EPHA5: variants seen among roughly 807,000 people sequenced by gnomAD.
EPHA5 encodes ephrin type-A receptor 5.
Under a neutral mutation model 105.0 loss-of-function variants are expected in EPHA5, and 60 were observed. The observed-to-expected ratio is 0.57, with a 90% CI of 0.46 to 0.71. EPHA5 has a LOEUF of 0.71. EPHA5 is among the 30% of genes least tolerant of loss of function. The pLI, the probability that EPHA5 is intolerant of heterozygous loss-of-function variation, is 0.00. For missense variants in EPHA5, 1,218 were observed against 1,274.7 expected, an observed-to-expected ratio of 0.96 and a Z score of 0.68; for synonymous variants, 513 against 449.1, an observed-to-expected ratio of 1.14 and a Z score of -1.80.
chr4:65,353,053 T>C lies in EPHA5; in HGVS notation c.2224A>G (p.Thr742Ala). The change falls in exon 12 of 17, where the codon ACA becomes GCA. Residue 742 changes from threonine (T) to alanine (A), a missense_variant. By Grantham distance (58) the Thr-to-Ala change is moderately conservative. Coordinates refer to ENST00000613740, the MANE Select transcript of EPHA5 (RefSeq NM_001281766.3). ...TTCCCCAATCCTACCTTCAAAAATG[T>C]ATCTAAAGAGCCATTCTCCATATAC... Reference protein sequence around the residue: ...TEYMENGSLDTFLKKNDGQFT... With the variant: ...TEYMENGSLDAFLKKNDGQFT... 1 of 1,552,848 alleles carries C rather than the reference T, an allele frequency of 6.4e-7. No individual in the cohort carries two copies. Among genetic ancestry groups the C allele is most frequent in the South Asian group, 1.2e-5 (1 of 81,330 alleles).
chr4:65,476,359 C>A (rs1030869700), intron 5 of EPHA5, among the ~76,000 whole-genome samples: 1 of 148,862 alleles, frequency 6.7e-6, no homozygotes, highest in Admixed American at 6.8e-5. Flanking sequence ...TCAATGGATC[C>A]TTTGTCATGA....
At chr4:65,628,897 A>T (rs1746386199) in intron 2 of EPHA5, among the ~76,000 whole-genome samples, 1 of 152,162 alleles carries the variant, frequency 6.6e-6, no homozygotes, top group Non-Finnish European at 1.5e-5. Flanking sequence ...TTTTTCTAAC[A>T]GCCTTGGCAG....
At chr4:65,409,153 A>G (rs1250922478) in intron 7 of EPHA5, among the ~76,000 whole-genome samples, 2 of 121,768 alleles carry the variant, frequency 1.6e-5, no homozygotes, top group African/African-American at 3.1e-5. Flanking sequence ...GAACACATGG[A>G]CACAGGAAGG....
chr4:65,608,747 G>A (rs1744480267), intron 2 of EPHA5, among the ~76,000 whole-genome samples: 1 of 152,160 alleles, frequency 6.6e-6, no homozygotes, highest in Admixed American at 6.5e-5. Flanking sequence ...TGCAATGCAT[G>A]CATGACATAA....
intron 7 of EPHA5, among the ~76,000 whole-genome samples, chr4:65,408,667 G>C (rs905384930): frequency 6.6e-6 from 1 of 151,934 alleles, no homozygotes; most frequent in Non-Finnish European, 1.5e-5. Context: ...TTAGAATGGT[G>C]ATCATTAAAA....
At chr4:65,552,372 C>T (rs1260968843) in intron 3 of EPHA5, among the ~76,000 whole-genome samples, 2 of 152,174 alleles carry the variant, frequency 1.3e-5, no homozygotes, top group East Asian at 3.9e-4. Flanking sequence ...TAGTTACGGG[C>T]TTTAAATGCC....
chr4:65,478,378 T>C (rs551006845), intron 5 of EPHA5, among the ~76,000 whole-genome samples: 43 of 152,308 alleles, frequency 2.8e-4, no homozygotes, highest in Middle Eastern at 6.8e-3. Flanking sequence ...ACAAAATTTG[T>C]ACATTTTCAG....
At chr4:65,532,258 A>T (rs1039282681) in intron 3 of EPHA5, among the ~76,000 whole-genome samples, 11 of 152,120 alleles carry the variant, frequency 7.2e-5, no homozygotes, top group Admixed American at 3.3e-4. Flanking sequence ...ATGGAATTTA[A>T]TGTGACTTTT....
At chr4:65,589,757 G>T (rs1742457900) in intron 3 of EPHA5, among the ~76,000 whole-genome samples, 2 of 152,116 alleles carry the variant, frequency 1.3e-5, no homozygotes, top group Admixed American at 1.3e-4. Context: ...GGGAACAGGT[G>T]AATATTAAAA....
intron 13 of EPHA5, 59 bp downstream of exon 13, chr4:65,351,330 A>T: frequency 6.9e-7 from 1 of 1,459,370 alleles, no homozygotes; most frequent in Non-Finnish European, 9.4e-7. Context: ...TTCTTTCAGA[A>T]TCTTTAAAAA....
intron 14 of EPHA5, among the ~76,000 whole-genome samples, chr4:65,336,615 G>C (rs1721210754): frequency 6.6e-6 from 1 of 152,004 alleles, no homozygotes; most frequent in African/African-American, 2.4e-5. Flanking sequence ...TAAGTCAAAG[G>C]CTAAATTAGC....
intron 8 of EPHA5, among the ~76,000 whole-genome samples, chr4:65,387,038 C>A (rs539427735): frequency 6.6e-6 from 1 of 151,774 alleles, no homozygotes; most frequent in Admixed American, 6.6e-5. Flanking sequence ...CATCTAAGGA[C>A]GTGGCCATTA....
rs760738122 is a variant in EPHA5 at position 65,365,105 on chromosome 4, C to T, written c.2085G>A (p.Lys695=). The stretch of plus-strand genomic sequence containing the variant: ...CTTCACCTAGGAAATCTCTGCGTTG[C>T]TTTTCAGTATAGCCTACTTTAAGGG... ...IKTLKVGYTE[K]QRRDFLGEAS... is the part of the protein sequence containing the mutation. The change falls in exon 11 of 17, where the codon AAG becomes AAA. Residue 695 remains lysine, a synonymous_variant. Transcript: ENST00000613740. 1.3e-5 allele frequency: 21 copies of T among 1,611,784 alleles called. No homozygotes were observed. The East Asian group carries it at 1.8e-4, about 14-fold the overall frequency.
intron 8 of EPHA5, among the ~76,000 whole-genome samples, chr4:65,388,710 A>G (rs1468924445): frequency 6.8e-6 from 1 of 147,256 alleles, no homozygotes; most frequent in Non-Finnish European, 1.5e-5. Context: ...GATTCTGGAT[A>G]TTAGCCCTTT....
intron 3 of EPHA5, among the ~76,000 whole-genome samples, chr4:65,520,051 A>G (rs1313490600): frequency 6.6e-6 from 1 of 152,194 alleles, no homozygotes. Context: ...TGGAACCAAA[A>G]AAGAGCCTGC....
intron 5 of EPHA5, among the ~76,000 whole-genome samples, chr4:65,462,763 A>G (rs1422976924): frequency 6.6e-6 from 1 of 152,190 alleles, no homozygotes; most frequent in African/African-American, 2.4e-5. Flanking sequence ...ACACTCCATT[A>G]AACAAATAAA....
At chr4:65,653,771 A>C (rs1748817306) in intron 1 of EPHA5, among the ~76,000 whole-genome samples, 1 of 152,148 alleles carries the variant, frequency 6.6e-6, no homozygotes, top group African/African-American at 2.4e-5. Flanking sequence ...AATAATTAAA[A>C]TAAAAGTACT....
chr4:65,509,081 G>A (rs920017512), intron 3 of EPHA5, among the ~76,000 whole-genome samples: 1 of 151,936 alleles, frequency 6.6e-6, no homozygotes, highest in African/African-American at 2.4e-5. Flanking sequence ...AAGTTCATTT[G>A]GTAAAAGCAG....
chr4:65,397,746 A>G (rs1190858805), intron 8 of EPHA5, among the ~76,000 whole-genome samples: 1 of 152,130 alleles, frequency 6.6e-6, no homozygotes, highest in East Asian at 1.9e-4. Context: ...GGAGCCTCAG[A>G]TGATGGCTCC....
Sources: allele counts gnomAD v4.1 joint callset (sites outside exome capture counted in the v4.1 genomes callset), GRCh38; gene constraint gnomAD v4.1.1; transcripts MANE v1.5; gene names NCBI Gene and HGNC (gene_info 2026-07-23, HGNC 2026-07-21).